The following LRMDA variants were observed in gnomAD, a reference collection of about 807,000 sequenced individuals.
LRMDA encodes leucine rich melanocyte differentiation associated, also known as leucine-rich melanocyte differentiation-associated protein.
LRMDA carries 18 observed loss-of-function variants against 29.8 expected under a neutral mutation model. That is an observed-to-expected ratio of 0.60 (90% CI 0.42 to 0.90). LRMDA has a LOEUF of 0.90. Ranked by LOEUF, LRMDA falls within the 40% of genes least tolerant of loss-of-function variation. LRMDA has a pLI of 0.00. For missense variants in LRMDA, 273 were observed against 273.9 expected (o/e 1.00, Z 0.02); for synonymous variants, 125 against 109.4 (o/e 1.14, Z -0.89).
chr10:76,000,070 G>C (rs1480321497), intron 2 of LRMDA, among the ~76,000 whole-genome samples: 1 of 152,160 alleles, frequency 6.6e-6, no homozygotes, highest in Non-Finnish European at 1.5e-5. Context: ...TTGTGGGATT[G>C]AAATGGAAAG....
chr10:76,045,603 A>C (rs1848425744), intron 3 of LRMDA, among the ~76,000 whole-genome samples: 1 of 152,122 alleles, frequency 6.6e-6, no homozygotes, highest in African/African-American at 2.4e-5. Context: ...ATGTGTACAA[A>C]GAATGCTTGA....
intron 4 of LRMDA, among the ~76,000 whole-genome samples, chr10:76,057,888 A>G (rs911207910): frequency 2.6e-5 from 4 of 152,356 alleles, no homozygotes; most frequent in African/African-American, 9.6e-5. Context: ...ATGCATTTAT[A>G]TAACTATACC....
At chr10:76,414,853 G>A (rs895135553) in intron 6 of LRMDA, among the ~76,000 whole-genome samples, 4 of 152,348 alleles carry the variant, frequency 2.6e-5, no homozygotes, top group Non-Finnish European at 4.4e-5. Context: ...CAGGGGAATG[G>A]GAAAGTGGCT....
chr10:75,581,434 G>A (rs1840589701), intron 2 of LRMDA, among the ~76,000 whole-genome samples: 1 of 152,218 alleles, frequency 6.6e-6, no homozygotes, highest in Non-Finnish European at 1.5e-5. Context: ...TGAAGAGGAT[G>A]TCGAGAAATA....
chr10:75,894,059 G>A lies in LRMDA; in HGVS notation c.132-141949G>A, dbSNP rs185836379. 8.2e-3 allele frequency among the ~76,000 whole-genome samples: 1,251 copies of A among 152,132 alleles called. 11 individuals are homozygous for A. Among genetic ancestry groups the A allele is most frequent in the Non-Finnish European group, 0.011 (755 of 68,010 alleles). ...TTTATTTTTCCATAAGTTATTGGGG[G>A]TACAGGTGGTATTTGGTTATATGAG... On this transcript the variant is annotated intron_variant, in intron 2 of 6. Coordinates refer to ENST00000611255, the MANE Select transcript of LRMDA (RefSeq NM_001305581.2).
chr10:75,433,021 G>C (rs1279415343), intron 1 of LRMDA, among the ~76,000 whole-genome samples: 1 of 152,206 alleles, frequency 6.6e-6, no homozygotes, highest in African/African-American at 2.4e-5. Context: ...CCAGAGTTCA[G>C]AAGTGAGTTA....
intron 2 of LRMDA, among the ~76,000 whole-genome samples, chr10:75,877,507 T>A (rs10047340): frequency 0.39 from 59,499 of 152,154 alleles, 13,555 homozygotes; most frequent in South Asian, 0.52. Context: ...TATTTGTGTT[T>A]GTAGCTCCAC....
intron 2 of LRMDA, among the ~76,000 whole-genome samples, chr10:75,823,704 G>A (rs1844202974): frequency 6.6e-6 from 1 of 151,134 alleles, no homozygotes; most frequent in Non-Finnish European, 1.5e-5. Flanking sequence ...GTGTGTGTGT[G>A]TGTGTGTGTG....
intron 6 of LRMDA, among the ~76,000 whole-genome samples, chr10:76,338,355 C>G (rs1840994874): frequency 6.8e-6 from 1 of 146,690 alleles, no homozygotes; most frequent in Admixed American, 7.1e-5. Flanking sequence ...CATAGTGAGA[C>G]ACAGTCTCAT....
intron 5 of LRMDA, among the ~76,000 whole-genome samples, chr10:76,293,224 G>C (rs1181128510): frequency 6.6e-6 from 1 of 152,126 alleles, no homozygotes; most frequent in African/African-American, 2.4e-5. Flanking sequence ...CAAGTGATCT[G>C]CCCACCTCGG....
At chr10:75,782,761 G>GCCGCT in intron 2 of LRMDA, 5 of 1,392,068 alleles carry the variant, frequency 3.6e-6, no homozygotes, top group Non-Finnish European at 4.7e-6. Flanking sequence ...TTTGCTGACT[G>GCCGCT]TTGAAGAAAG....
intron 2 of LRMDA, among the ~76,000 whole-genome samples, chr10:75,735,216 C>T (rs1009800472): frequency 3.3e-5 from 5 of 152,066 alleles, no homozygotes; most frequent in Non-Finnish European, 7.4e-5. Flanking sequence ...TTGGAAAAAA[C>T]GTGGTATATT....
intron 2 of LRMDA, among the ~76,000 whole-genome samples, chr10:75,955,916 C>T (rs1378855390): frequency 6.6e-6 from 1 of 151,974 alleles, no homozygotes; most frequent in Admixed American, 6.6e-5. Context: ...TTTAATATAG[C>T]ATGAAAAAAG....
chr10:75,501,987 G>A (rs897033174), intron 2 of LRMDA, among the ~76,000 whole-genome samples: 1 of 152,138 alleles, frequency 6.6e-6, no homozygotes, highest in Non-Finnish European at 1.5e-5. Flanking sequence ...TGAAAGTAGA[G>A]TGTGTGTGAA....
intron 6 of LRMDA, among the ~76,000 whole-genome samples, chr10:76,481,857 A>C (rs984112067): frequency 2.0e-5 from 3 of 151,898 alleles, no homozygotes; most frequent in African/African-American, 7.2e-5. Context: ...CTCCTTGGGT[A>C]ATACATTCAT....
intron 2 of LRMDA, among the ~76,000 whole-genome samples, chr10:76,022,493 T>C (rs1003618995): frequency 1.3e-5 from 2 of 152,192 alleles, no homozygotes; most frequent in Non-Finnish European, 2.9e-5. Context: ...ATCTTGTCAA[T>C]TGAGTGAAGG....
In LRMDA at chr10:75,882,958, A is replaced by T. The variant is rs530527284; in HGVS notation, c.132-153050A>T. ...TTTTATGGACCAAGGCCGCACTTTCATTAAGCGTAATTTACATAACATAAC... is the reference window on the plus strand; with the variant it reads ...TTTTATGGACCAAGGCCGCACTTTCTTTAAGCGTAATTTACATAACATAAC... On this transcript the variant is annotated intron_variant, in intron 2 of 6. Coordinates refer to ENST00000611255, the MANE Select transcript of LRMDA (RefSeq NM_001305581.2). Among the ~76,000 whole-genome samples, 4 of 152,318 alleles carry T rather than the reference A, an allele frequency of 2.6e-5. No individual in the cohort carries two copies. In the East Asian group the frequency reaches 5.8e-4, roughly 22 times the overall value.
intron 5 of LRMDA, among the ~76,000 whole-genome samples, chr10:76,310,245 C>T (rs1429345123): frequency 1.3e-5 from 2 of 152,148 alleles, no homozygotes; most frequent in Admixed American, 6.5e-5. Context: ...GCACATTAAG[C>T]GGCATTCTCA....
intron 6 of LRMDA, among the ~76,000 whole-genome samples, chr10:76,340,828 A>G (rs1219288147): frequency 6.6e-6 from 1 of 152,178 alleles, no homozygotes; most frequent in Non-Finnish European, 1.5e-5. Flanking sequence ...TGCAGTCAAT[A>G]TTATGACTTA....
Sources: allele counts gnomAD v4.1 joint callset (sites outside exome capture counted in the v4.1 genomes callset), GRCh38; gene constraint gnomAD v4.1.1; transcripts MANE v1.5; gene names NCBI Gene and HGNC (gene_info 2026-07-23, HGNC 2026-07-21).